VAV1: variants seen among roughly 807,000 people sequenced by gnomAD.
VAV1 encodes vav guanine nucleotide exchange factor 1, also known as proto-oncogene vav.
In VAV1, 33 loss-of-function variants were observed where a neutral mutation model predicts 128.1. The observed-to-expected ratio is 0.26, with a 90% CI of 0.20 to 0.34. VAV1 has a LOEUF of 0.34. Ranked by LOEUF, VAV1 falls within the 10% of genes least tolerant of loss-of-function variation. The probability of loss-of-function intolerance (pLI) is 1.00; values close to 1 mark genes in which losing one functional copy is unlikely to be tolerated. For synonymous variants in VAV1, 394 were observed against 409.8 expected (o/e 0.96, Z 0.47); for missense variants, 715 against 1,093.7 (o/e 0.65, Z 4.88).
intron 26 of VAV1, 51 bp downstream of exon 26, chr19:6,854,149 G>A: frequency 6.3e-7 from 1 of 1,598,186 alleles, no homozygotes. Flanking sequence ...TTGAGCTGGT[G>A]GTGGACGAGA....
At position 6,822,565 on chromosome 19, in the gene VAV1, C is replaced by T. The variant is rs1165202678; in HGVS notation, c.654+51C>T. On this transcript the variant is annotated intron_variant, in intron 6 of 26. Transcript: ENST00000602142. The surrounding 1 kb of genome is among the most constrained non-coding windows in gnomAD (Gnocchi z 5.9). Reference sequence around the variant, plus strand: ...CCGGGCGCATGCGCGGGAGCTGGGCCGGCAGGTGCACGTCCACCTGTCCGG... The same window carrying T: ...CCGGGCGCATGCGCGGGAGCTGGGCTGGCAGGTGCACGTCCACCTGTCCGG... 3 of 1,510,258 alleles carry T rather than the reference C, an allele frequency of 2.0e-6. No individual in the cohort carries two copies. The highest frequency in any genetic ancestry group is 2.0e-5 in the Admixed American group (1 of 50,414). The allele number at this position is 1,510,258 out of a possible 1,614,324, so 93.6% of individuals were successfully genotyped here.
At chr19:6,834,010 T>C in intron 19 of VAV1, 57 bp downstream of exon 19, 1 of 1,610,712 alleles carries the variant, frequency 6.2e-7, no homozygotes, top group Non-Finnish European at 8.5e-7. Context: ...TCTATTGATG[T>C]TGACCCAGGG....
intron 1 of VAV1, among the ~76,000 whole-genome samples, chr19:6,793,658 C>T (rs759136099): frequency 1.3e-5 from 2 of 152,114 alleles, no homozygotes; most frequent in Non-Finnish European, 2.9e-5. Flanking sequence ...ATGATAACAT[C>T]AAGTTTGCTT....
intron 24 of VAV1, among the ~76,000 whole-genome samples, chr19:6,850,985 T>A (rs1163523896): frequency 6.6e-6 from 1 of 152,306 alleles, no homozygotes; most frequent in South Asian, 2.1e-4. Context: ...TGTTCATTTT[T>A]AAATTTTATT....
intron 1 of VAV1, among the ~76,000 whole-genome samples, chr19:6,800,500 G>T (rs189158402): frequency 1.3e-5 from 2 of 151,668 alleles, no homozygotes; most frequent in African/African-American, 4.8e-5. Context: ...GCAGAGACAG[G>T]TTTCACTATA....
rs199798227 is a variant in VAV1, at chr19:6,833,217, C to A, written c.1542C>A (p.Asn514Lys). ...TCTATCCGGAGAATGCCACCGCCAA[C>A]GGGCATGACTTCCAGATGTTCTCCT... ...SNIYPENATA[N>K]GHDFQMFSFE... is the part of the protein sequence containing the mutation. Residue 514 changes from asparagine to lysine, a missense_variant, in exon 16 of 27, where the codon AAC (asparagine) becomes AAA (lysine). Coordinates refer to ENST00000602142, the MANE Select transcript of VAV1 (RefSeq NM_005428.4). 7.4e-6 allele frequency: 12 copies of A among 1,612,776 alleles called. No homozygotes were observed. Among genetic ancestry groups the A allele is most frequent in the Admixed American group, 3.3e-5 (2 of 59,774 alleles).
At position 6,773,023 on chromosome 19, in the gene VAV1, G is replaced by A. The variant is rs766216385; in HGVS notation, c.204+12G>A. 2.3e-5 allele frequency: 37 copies of A among 1,613,926 alleles called. No individual in the cohort carries two copies. The highest frequency in any genetic ancestry group is 3.0e-5 in the Non-Finnish European group (35 of 1,179,960). ...CCCAGATGTCCCAGGTGAGCCCTCCGCGGGCAGGTGTGCTGAGGGTTGGAG... is the reference window on the plus strand; with the variant it reads ...CCCAGATGTCCCAGGTGAGCCCTCCACGGGCAGGTGTGCTGAGGGTTGGAG... On this transcript the variant is annotated intron_variant, in intron 1 of 26. Transcript: ENST00000602142.
chr19:6,821,123 C>T (rs570714563), intron 2 of VAV1, among the ~76,000 whole-genome samples: 7 of 152,232 alleles, frequency 4.6e-5, no homozygotes, highest in South Asian at 2.1e-4. Flanking sequence ...GATAGAGGGC[C>T]GGGCGCAGTG....
At chr19:6,806,332 G>A (rs777740319) in intron 1 of VAV1, among the ~76,000 whole-genome samples, 6 of 152,110 alleles carry the variant, frequency 3.9e-5, no homozygotes, top group Admixed American at 6.6e-5. Flanking sequence ...TGATTCACCC[G>A]CCATGGGCTC....
chr19:6,847,829 C>T (rs997719292), intron 22 of VAV1, among the ~76,000 whole-genome samples, 169 bp from the exon 23 acceptor site: 6 of 152,240 alleles, frequency 3.9e-5, no homozygotes, highest in Admixed American at 6.5e-5. Context: ...GTCTGGGCTC[C>T]GGCCCCTGCC....
intron 14 of VAV1, among the ~76,000 whole-genome samples, chr19:6,831,687 G>A (rs1010675873): frequency 3.9e-5 from 6 of 152,112 alleles, no homozygotes; most frequent in Admixed American, 1.3e-4. Context: ...TACAGCATCC[G>A]TCTCTCCTAC....
At chr19:6,844,907 G>A (rs889778077) in intron 22 of VAV1, among the ~76,000 whole-genome samples, 1 of 152,036 alleles carries the variant, frequency 6.6e-6, no homozygotes, top group African/African-American at 2.4e-5. Context: ...TACCAAAACT[G>A]TAACTAAAGA....
chr19:6,855,379 T>C (rs971293334), intron 26 of VAV1, among the ~76,000 whole-genome samples: 4 of 151,978 alleles, frequency 2.6e-5, no homozygotes, highest in African/African-American at 7.3e-5. Context: ...AAAGGATTCA[T>C]CCATCCATCC....
chr19:6,828,204 G>A lies in VAV1; in HGVS notation c.1023+33G>A, dbSNP rs762482707. On this transcript the variant is annotated intron_variant, in intron 10 of 26. Coordinates refer to ENST00000602142, the MANE Select transcript of VAV1 (RefSeq NM_005428.4). The surrounding 1 kb of genome is among the most constrained non-coding windows in gnomAD (Gnocchi z 4.5). ...GCACATCTCTAGGCGTGGGCTCCAC[G>A]TACCTACTCTCCTGTGTCTATAAAA... 3.9e-5 allele frequency: 62 copies of A among 1,610,110 alleles called. No individual in the cohort carries two copies. The African/African-American group carries it at 6.4e-4, about 17-fold the overall frequency.
intron 6 of VAV1, among the ~76,000 whole-genome samples, chr19:6,824,323 T>A (rs1432604002): frequency 6.6e-6 from 1 of 152,026 alleles, no homozygotes; most frequent in African/African-American, 2.4e-5. Context: ...CTTCCCCCGG[T>A]CCATGGCAAC....
chr19:6,855,123 C>G (rs1302030181), intron 26 of VAV1, among the ~76,000 whole-genome samples: 2 of 152,208 alleles, frequency 1.3e-5, no homozygotes, highest in Non-Finnish European at 2.9e-5. Context: ...ATTTCATCCA[C>G]TGATGACTTC....
chr19:6,789,902 T>G (rs1242245874), intron 1 of VAV1, among the ~76,000 whole-genome samples: 1 of 152,214 alleles, frequency 6.6e-6, no homozygotes, highest in African/African-American at 2.4e-5. Context: ...CTGGCCTTAT[T>G]TTTTATTTAA....
intron 19 of VAV1, among the ~76,000 whole-genome samples, chr19:6,834,171 A>G (rs2144795515): frequency 6.6e-6 from 1 of 151,732 alleles, no homozygotes; most frequent in African/African-American, 2.4e-5. Context: ...TTTTAAATAG[A>G]GATGAGGTCT....
chr19:6,846,262 A>T (rs188026455), intron 22 of VAV1, among the ~76,000 whole-genome samples: 272 of 151,442 alleles, frequency 1.8e-3, no homozygotes, highest in Middle Eastern at 0.017. Flanking sequence ...TATACATTAC[A>T]TTAACAAGAG....
Sources: gnomAD v4.1 joint callset for allele counts (sites outside exome capture counted in the v4.1 genomes callset) on GRCh38, gnomAD v4.1.1 for gene constraint, Gnocchi (gnomAD v3.1) non-coding constraint, MANE v1.5 for transcripts, NCBI Gene and HGNC (gene_info 2026-07-23, HGNC 2026-07-21) for gene names.